Variants in PCDHA9 observed in about 807,000 individuals in gnomAD.
PCDHA9 encodes protocadherin alpha-9.
Under a neutral mutation model 62.0 loss-of-function variants are expected in PCDHA9, and 62 were observed. That is an observed-to-expected ratio of 1.00 (90% CI 0.81 to 1.23). The LOEUF is 1.23. Among genes scored for constraint, PCDHA9 ranks in the 50% most tolerant of loss-of-function variants. The probability of loss-of-function intolerance (pLI) is 0.00; values close to 1 mark genes in which losing one functional copy is unlikely to be tolerated. For missense variants in PCDHA9, 1,205 were observed against 1,249.8 expected (o/e 0.96, Z 0.54); for synonymous variants, 557 against 567.6 (o/e 0.98, Z 0.27).
At chr5:140,956,933 A>G (rs1243678543) in intron 1 of PCDHA9, among the ~76,000 whole-genome samples, 1 of 151,594 alleles carries the variant, frequency 6.6e-6, no homozygotes, top group Non-Finnish European at 1.5e-5. Flanking sequence ...TGGATATAGG[A>G]TAAAATTTAC....
intron 3 of PCDHA9, among the ~76,000 whole-genome samples, chr5:140,986,055 T>C (rs2097185833): frequency 6.6e-6 from 1 of 152,164 alleles, no homozygotes; most frequent in African/African-American, 2.4e-5. Context: ...ATGAATTCTT[T>C]TGCTTTTTAA....
chr5:140,899,468 G>C (rs1243330987), intron 1 of PCDHA9, among the ~76,000 whole-genome samples: 2 of 152,080 alleles, frequency 1.3e-5, no homozygotes, highest in African/African-American at 4.8e-5. Context: ...TTTGTCTTTG[G>C]TTCTGTTTAT....
chr5:140,951,493 A>C (rs1554219918), intron 1 of PCDHA9, among the ~76,000 whole-genome samples: 1 of 152,022 alleles, frequency 6.6e-6, no homozygotes, highest in Non-Finnish European at 1.5e-5. Context: ...TCATGGTGGA[A>C]GGCAAAAGGA....
chr5:140,855,032 A>AT (rs2043313669), intron 1 of PCDHA9, among the ~76,000 whole-genome samples: 1 of 149,732 alleles, frequency 6.7e-6, no homozygotes, highest in Non-Finnish European at 1.5e-5. Flanking sequence ...TGTATAAAGG[A>AT]TTTTTCTGTA....
intron 3 of PCDHA9, among the ~76,000 whole-genome samples, chr5:140,992,876 A>G (rs1370116402): frequency 6.6e-6 from 1 of 152,178 alleles, no homozygotes; most frequent in Admixed American, 6.5e-5. Flanking sequence ...CCTCCTTGAT[A>G]TTCTAAACAA....
At chr5:140,933,513 G>A (rs2089204044) in intron 1 of PCDHA9, among the ~76,000 whole-genome samples, 1 of 152,012 alleles carries the variant, frequency 6.6e-6, no homozygotes, top group African/African-American at 2.4e-5. Context: ...AAAGACTACA[G>A]CTGTTTTGTT....
chr5:140,979,961 C>G (rs1554241296), intron 2 of PCDHA9, among the ~76,000 whole-genome samples: 1 of 152,054 alleles, frequency 6.6e-6, no homozygotes, highest in Non-Finnish European at 1.5e-5. Context: ...TAGTTTTAGC[C>G]CATTAAAATG....
rs375771604 is a variant in PCDHA9, at chr5:140,876,994, G to A, written c.2394+26105G>A. ...GGGCGAGCACGCACTGTCGAGCTAC[G>A]TGTCGGTGCACGCGGAGAGCGGCAA... On this transcript the variant is annotated intron_variant, in intron 1 of 3. Transcript: ENST00000532602. The A allele has an allele frequency of 5.6e-6, 9 of 1,612,502 alleles. No individual in the cohort carries two copies. The highest frequency in any genetic ancestry group is 5.0e-5 in the Admixed American group (3 of 59,998).
intron 1 of PCDHA9, among the ~76,000 whole-genome samples, chr5:140,901,420 C>G (rs2153473414): frequency 6.6e-6 from 1 of 152,248 alleles, no homozygotes; most frequent in East Asian, 1.9e-4. Context: ...TAGTTTCATT[C>G]CTCTGCATAT....
chr5:140,973,606 G>T (rs1554235444), intron 1 of PCDHA9, among the ~76,000 whole-genome samples: 1 of 152,204 alleles, frequency 6.6e-6, no homozygotes, highest in African/African-American at 2.4e-5. Flanking sequence ...TTATGGCTGA[G>T]CTCTTCTCTG....
intron 1 of PCDHA9, chr5:140,882,426 G>A (rs148335988): frequency 6.1e-5 from 99 of 1,613,954 alleles, no homozygotes; most frequent in Non-Finnish European, 7.9e-5. Context: ...CAGGACCTGG[G>A]GCTGGAGCTG....
intron 1 of PCDHA9, among the ~76,000 whole-genome samples, chr5:140,873,027 A>C (rs2054049034): frequency 6.6e-6 from 1 of 152,184 alleles, no homozygotes; most frequent in South Asian, 2.1e-4. Flanking sequence ...TATTCTTACT[A>C]CACGTAGAGT....
intron 3 of PCDHA9, among the ~76,000 whole-genome samples, chr5:141,005,117 C>A (rs2098198148): frequency 6.6e-6 from 1 of 152,214 alleles, no homozygotes; most frequent in South Asian, 2.1e-4. Flanking sequence ...TCTTTAGGGA[C>A]CCCAAAAGTG....
chr5:140,886,698 C>G (rs578140955), intron 1 of PCDHA9, among the ~76,000 whole-genome samples: 3 of 151,820 alleles, frequency 2.0e-5, no homozygotes, highest in Non-Finnish European at 4.4e-5. Flanking sequence ...TGGTGGCACG[C>G]GCCTGTAATC....
At chr5:140,923,287 A>G (rs1554201330) in intron 1 of PCDHA9, among the ~76,000 whole-genome samples, 1 of 152,224 alleles carries the variant, frequency 6.6e-6, no homozygotes, top group Non-Finnish European at 1.5e-5. Context: ...AAAAATTAAA[A>G]ATTAGCTGGG....
chr5:140,891,044 CA>C (rs1406159323), intron 1 of PCDHA9, among the ~76,000 whole-genome samples: 9 of 152,030 alleles, frequency 5.9e-5, no homozygotes, highest in African/African-American at 2.2e-4. Flanking sequence ...GTGTGACCCC[CA>C]CAGCACATAG....
intron 1 of PCDHA9, among the ~76,000 whole-genome samples, chr5:140,949,245 A>G (rs782212374): frequency 2.4e-4 from 37 of 151,798 alleles, no homozygotes; most frequent in Non-Finnish European, 4.3e-4. Context: ...GCAACAGTCT[A>G]TCTTGATGAA....
chr5:140,964,167 C>G (rs370784169), intron 1 of PCDHA9, among the ~76,000 whole-genome samples: 1 of 152,134 alleles, frequency 6.6e-6, no homozygotes, highest in Non-Finnish European at 1.5e-5. Flanking sequence ...GTGTGAGGAA[C>G]GAAATCATTA....
intron 1 of PCDHA9, chr5:140,967,958 C>T (rs202159883): frequency 5.6e-6 from 9 of 1,614,182 alleles, no homozygotes; most frequent in East Asian, 2.2e-5. Flanking sequence ...AGGCCCCAAC[C>T]GGAAAGTGAG....
Sources: gnomAD v4.1 joint callset for allele counts (sites outside exome capture counted in the v4.1 genomes callset) on GRCh38, gnomAD v4.1.1 for gene constraint, MANE v1.5 for transcripts, NCBI Gene and HGNC (gene_info 2026-07-23, HGNC 2026-07-21) for gene names.